Variants in PAX6 observed in about 807,000 individuals in gnomAD.
PAX6 encodes the protein paired box 6.
In PAX6, 7 loss-of-function variants were observed where a neutral mutation model predicts 60.7. That is an observed-to-expected ratio of 0.12 (90% CI 0.07 to 0.22). PAX6 has a LOEUF of 0.22. PAX6 is among the 10% of genes least tolerant of loss of function. The pLI is 1.00. For synonymous variants in PAX6, 208 were observed against 201.2 expected (o/e 1.03, Z -0.29); for missense variants, 355 against 555.2 (o/e 0.64, Z 3.62).
upstream of PAX6, chr11:31,814,874 C>G (rs1419769085): frequency 6.5e-6 from 1 of 154,260 alleles, no homozygotes; most frequent in Non-Finnish European, 1.4e-5. Flanking sequence ...CACTGCTCGG[C>G]TTGGGGGGAA....
chr11:31,790,569 C>A lies in PAX6; in HGVS notation c.1225+141G>T, dbSNP rs1949567996. On this transcript the variant is annotated intron_variant, in intron 13 of 13. Coordinates refer to ENST00000640368, the MANE Select transcript of PAX6 (RefSeq NM_001368894.2). ...GTTACTAATTAGCTTAACTGAATTT[C>A]CCTTTTCAATCCCCATCCCCCAGGG... is the stretch of plus-strand genomic sequence containing the variant. 2.0e-6 allele frequency: 3 copies of A among 1,532,456 alleles called. No individual in the cohort carries two copies. The East Asian group carries it at 6.8e-5, about 35-fold the overall frequency. 94.9% of individuals were successfully genotyped at this position (1,532,456 alleles called of 1,614,324 possible).
chr11:31,812,965 C>T (rs1957188724), upstream of PAX6: 1 of 152,244 alleles, frequency 6.6e-6, no homozygotes, highest in South Asian at 2.1e-4. Context: ...TGGGCCTCAC[C>T]CTCTCGTTCC....
chr11:31,802,600 T>A (rs867527955), intron 5 of PAX6, 104 bp downstream of exon 5: 1 of 1,133,930 alleles, frequency 8.8e-7, no homozygotes, highest in South Asian at 1.5e-5. Context: ...TGGGTGAGGG[T>A]GGGGGGGTCC....
rs796225250 is a variant in PAX6, at chr11:31,810,887, G to GT, written c.-189dup. On this transcript the variant is annotated 5_prime_UTR_variant, in exon 2 of 14. Transcript: ENST00000640368. ...CTGTCAAGAGTTTTGTTTGGTTGGG[G>GT]TTTTTTGTGCTGCTGTTGTTGCTTG... The GT allele has an allele frequency of 1.2e-4, 46 of 399,198 alleles. No individual in the cohort carries two copies. The highest frequency in any genetic ancestry group is 6.8e-4 in the African/African-American group (33 of 48,772). 24.7% of individuals were successfully genotyped at this position (399,198 alleles called of 1,614,324 possible). A position where few individuals can be genotyped will look rare whatever the true frequency, so the allele number is the denominator to read the frequency against.
chr11:31,800,726 T>C lies in PAX6; in HGVS notation c.530A>G (p.Tyr177Cys). ...TTGCCCTGGCACCGAAGTCCCCGGA[T>C]ACCAACCAGGGCGGGTGCCCCAGCT... The part of the protein sequence containing the change: ...TGSWGTRPGW[Y>C]PGTSVPGQPT... The change falls in exon 8 of 14, where the codon TAT becomes TGT. Residue 177 changes from tyrosine to cysteine, a missense_variant. This residue lies in a region of PAX6 where 143 missense variants were observed against 183.6 expected (regional missense o/e 0.78). Transcript: ENST00000640368. 1 of 1,614,202 alleles carries C rather than the reference T, an allele frequency of 6.2e-7. No individual in the cohort carries two copies. Among genetic ancestry groups the C allele is most frequent in the Non-Finnish European group, 8.5e-7 (1 of 1,180,024 alleles).
chr11:31,815,885 G>T (rs1957353857), upstream of PAX6, among the ~76,000 whole-genome samples: 1 of 152,218 alleles, frequency 6.6e-6, no homozygotes, highest in African/African-American at 2.4e-5. Flanking sequence ...GAAAACCGCT[G>T]CCCGGGGGAC....
At chr11:31,802,580 G>C in intron 5 of PAX6, 124 bp downstream of exon 5, 3 of 1,023,634 alleles carry the variant, frequency 2.9e-6, no homozygotes, top group Non-Finnish European at 4.2e-6. Context: ...GGGGGGACTG[G>C]GGACTGGGGT....
chr11:31,790,221 T>C (rs1949429821), intron 13 of PAX6: 3 of 552,326 alleles, frequency 5.4e-6, no homozygotes, highest in Non-Finnish European at 6.2e-6. Context: ...TATATACCTA[T>C]TGGATCCCAA....
chr11:31,801,202 T>C, intron 7 of PAX6: 1 of 1,225,818 alleles, frequency 8.2e-7, no homozygotes, highest in Non-Finnish European at 1.1e-6. Flanking sequence ...TATTGTTTAA[T>C]ATTAGGATGG....
At chr11:31,797,373 G>A (rs758994015) in intron 8 of PAX6, among the ~76,000 whole-genome samples, 17 of 151,480 alleles carry the variant, frequency 1.1e-4, no homozygotes, top group Middle Eastern at 3.2e-3. Context: ...TCTTATCCAT[G>A]TTCTGTCTCA....
chr11:31,790,302 A>G, intron 13 of PAX6: 1 of 619,548 alleles, frequency 1.6e-6, no homozygotes, highest in East Asian at 4.2e-5. Context: ...TGGAACTTTT[A>G]CAATAAAGCT....
chr11:31,800,991 G>A (rs909208211), intron 7 of PAX6, 135 bp from the exon 8 acceptor site: 23 of 928,498 alleles, frequency 2.5e-5, no homozygotes, highest in Middle Eastern at 4.9e-4. Flanking sequence ...GACAGTGGGT[G>A]GATTTGCAGA....
Position 31,794,020 on chromosome 11 carries a change from G to T in PAX6, c.807+12C>A, listed in dbSNP as rs1435356783. 1.3e-6 allele frequency: 2 copies of T among 1,575,600 alleles called. No individual in the cohort carries two copies. Among genetic ancestry groups the T allele is most frequent in the South Asian group, 2.2e-5 (2 of 90,282 alleles). On this transcript the variant is annotated intron_variant, in intron 10 of 13. Transcript: ENST00000640368. Reference sequence around the variant, plus strand: ...GAATCACAAAGTGTGAAACTGCACAGTCTCTCGGTACCTGTATTCTTGCTT... The same window carrying T: ...GAATCACAAAGTGTGAAACTGCACATTCTCTCGGTACCTGTATTCTTGCTT...
rs569320500 is a variant in PAX6, at chr11:31,800,529, A to G, written c.565+162T>C. On this transcript the variant is annotated intron_variant, in intron 8 of 13. Coordinates refer to ENST00000640368, the MANE Select transcript of PAX6 (RefSeq NM_001368894.2). ...CCAACAAAATGGTTCAACAAACACC[A>G]CCTACATACAATGTGGTCGATGTGT... is the stretch of plus-strand genomic sequence containing the variant. 21 of 887,444 alleles carry G rather than the reference A, an allele frequency of 2.4e-5. No homozygotes were observed. In the South Asian group the frequency reaches 2.7e-4, roughly 11 times the overall value. 55.0% of individuals were successfully genotyped at this position (887,444 alleles called of 1,614,324 possible). A position where few individuals can be genotyped will look rare whatever the true frequency, so the allele number is the denominator to read the frequency against.
upstream of PAX6, among the ~76,000 whole-genome samples, chr11:31,815,995 G>A (rs1483774555): frequency 6.6e-6 from 1 of 152,122 alleles, no homozygotes; most frequent in African/African-American, 2.4e-5. Context: ...GATTCCTCAC[G>A]AGAGGAAAGG....
chr11:31,793,290 A>T (rs1418163110), intron 12 of PAX6, 148 bp downstream of exon 12: 1 of 731,950 alleles, frequency 1.4e-6, no homozygotes, highest in Non-Finnish European at 2.5e-6. Context: ...GATGGGATTG[A>T]CTGTCTCCGA....
chr11:31,798,738 C>A (rs1041872405), intron 8 of PAX6, among the ~76,000 whole-genome samples: 1 of 152,254 alleles, frequency 6.6e-6, no homozygotes, highest in Admixed American at 6.5e-5. Flanking sequence ...AGCCCCTGGA[C>A]TAGCTCCACC....
At position 31,794,641 on chromosome 11, in the gene PAX6, G is replaced by C; in HGVS notation, c.713C>G (p.Ala238Gly). 2 of 1,614,100 alleles carry C rather than the reference G, an allele frequency of 1.2e-6. No homozygotes were observed. The highest frequency in any genetic ancestry group is 8.5e-7 in the Non-Finnish European group (1 of 1,180,020). ...RTSFTQEQIE[A>G]LEKEFERTHY... is the part of the protein sequence containing the mutation. ...AAAAACTCTATCACCTTTCTCCAGG[G>C]CCTCAATTTGCTCTTGGGTAAAGGA... is the stretch of plus-strand genomic sequence containing the variant. Residue 238 changes from alanine (A) to glycine (G), a missense_variant, in exon 9 of 14, where the codon GCC (alanine) becomes GGC (glycine). This residue lies in a region of PAX6 where 143 missense variants were observed against 183.6 expected (regional missense o/e 0.78). Transcript: ENST00000640368.
chr11:31,800,942 G>C (rs190114442), intron 7 of PAX6, 86 bp from the exon 8 acceptor site: 1 of 1,415,332 alleles, frequency 7.1e-7, no homozygotes, highest in East Asian at 2.3e-5. Context: ...ACCTTAAAAA[G>C]CAACTCTCAA....
Sources: allele counts gnomAD v4.1 joint callset (sites outside exome capture counted in the v4.1 genomes callset), GRCh38; gene constraint gnomAD v4.1.1; regional missense constraint gnomAD v4.1.1; transcripts MANE v1.5; gene names NCBI Gene and HGNC (gene_info 2026-07-23, HGNC 2026-07-21).